Variants in ADGRB3 observed in about 807,000 individuals in gnomAD.
ADGRB3 encodes the protein adhesion G protein-coupled receptor B3.
A neutral mutation model predicts 193.4 loss-of-function variants in ADGRB3; 37 were observed. The ratio of observed to expected loss-of-function variants is 0.19; its 90% CI spans 0.15 to 0.25. The LOEUF (loss-of-function observed/expected upper bound fraction) is 0.25, where lower values mean the gene tolerates loss of function less well. Among genes scored for constraint, ADGRB3 ranks in the 10% least tolerant of loss-of-function variants. ADGRB3 has a pLI of 1.00. For synonymous variants in ADGRB3, 690 were observed against 644.2 expected (o/e 1.07, Z -1.08); for missense variants, 1,637 against 1,852.9 (o/e 0.88, Z 2.14).
intron 3 of ADGRB3, among the ~76,000 whole-genome samples, chr6:68,726,305 G>C (rs1765673466): frequency 6.6e-6 from 1 of 151,632 alleles, no homozygotes; most frequent in South Asian, 2.1e-4. Context: ...TCAATTCAGA[G>C]AGGAAGAAAT....
At chr6:69,034,665 GAC>G (rs1367414311) in intron 13 of ADGRB3, among the ~76,000 whole-genome samples, 1 of 149,174 alleles carries the variant, frequency 6.7e-6, no homozygotes, top group Non-Finnish European at 1.5e-5. Flanking sequence ...CAGAGAGAGA[GAC>G]AGAGAGGAAG....
chr6:68,994,138 A>G (rs1020952254), intron 11 of ADGRB3, among the ~76,000 whole-genome samples, 176 bp downstream of exon 11: 13 of 152,104 alleles, frequency 8.5e-5, no homozygotes, highest in Non-Finnish European at 8.8e-5. Flanking sequence ...CTCCACCTCA[A>G]TGTCCTCGCC....
At chr6:69,233,197 C>T in intron 17 of ADGRB3, 93 bp from the exon 18 acceptor site, 1 of 1,495,234 alleles carries the variant, frequency 6.7e-7, no homozygotes, top group Non-Finnish European at 9.1e-7. Context: ...TTACAGTAGA[C>T]GACTCTCTCA....
intron 20 of ADGRB3, among the ~76,000 whole-genome samples, chr6:69,299,260 GT>G (rs1221448224): frequency 1.3e-5 from 2 of 151,296 alleles, no homozygotes; most frequent in African/African-American, 4.9e-5. Context: ...GTTTTGTTTA[GT>G]TTTTGTTTTT....
intron 17 of ADGRB3, among the ~76,000 whole-genome samples, chr6:69,133,590 C>G (rs1774071346): frequency 6.6e-6 from 1 of 151,990 alleles, no homozygotes; most frequent in Non-Finnish European, 1.5e-5. Flanking sequence ...ACAATAGAAA[C>G]ATAGGGACTC....
intron 20 of ADGRB3, among the ~76,000 whole-genome samples, chr6:69,276,036 A>G (rs1767296473): frequency 2.0e-5 from 3 of 152,228 alleles, no homozygotes; most frequent in Admixed American, 6.5e-5. Flanking sequence ...ATGTTATTAA[A>G]TAATAAACTT....
At chr6:68,933,486 A>G (rs570659577) in intron 4 of ADGRB3, among the ~76,000 whole-genome samples, 1 of 152,214 alleles carries the variant, frequency 6.6e-6, no homozygotes, top group Non-Finnish European at 1.5e-5. Context: ...TCAGCTACTC[A>G]GGAGGCTGAG....
In ADGRB3 at chr6:68,956,765, G is replaced by A. The variant is rs1395406004; in HGVS notation, c.1481G>A (p.Gly494Glu). ...GAVITGQQCEGTGEEVRRCNE... is the reference protein window; with the variant it reads ...GAVITGQQCEETGEEVRRCNE... ...GTGATAACAGGGCAGCAATGTGAAG[G>A]AACGGGCGAAGAAGTGAGAAGATGC... The change falls in exon 8 of 32, where the codon GGA (glycine) becomes GAA (glutamate). Residue 494 changes from glycine to glutamate, a missense_variant. Coordinates refer to ENST00000370598, the MANE Select transcript of ADGRB3 (RefSeq NM_001704.3). 1.9e-6 allele frequency: 3 copies of A among 1,613,942 alleles called. No homozygotes were observed. In the South Asian group the frequency reaches 3.3e-5, roughly 18 times the overall value.
chr6:68,904,412 G>A (rs560172892), intron 3 of ADGRB3, among the ~76,000 whole-genome samples: 2 of 152,228 alleles, frequency 1.3e-5, no homozygotes, highest in African/African-American at 4.8e-5. Flanking sequence ...TCATTATGTT[G>A]CATATGACTG....
intron 17 of ADGRB3, among the ~76,000 whole-genome samples, chr6:69,122,485 GGGAGGGGGA>G: frequency 1.7e-5 from 1 of 59,634 alleles, no homozygotes; most frequent in South Asian, 1.2e-3. Context: ...AGGGGGAGGG[GGGAGGGGGA>G]GGGGGAGAGG....
intron 5 of ADGRB3, among the ~76,000 whole-genome samples, chr6:68,936,964 T>C (rs1038004086): frequency 1.3e-5 from 2 of 152,202 alleles, no homozygotes; most frequent in African/African-American, 4.8e-5. Flanking sequence ...TCTTTCTGTG[T>C]TTTAGATGGT....
intron 17 of ADGRB3, among the ~76,000 whole-genome samples, chr6:69,196,962 T>G (rs1765311450): frequency 6.6e-6 from 1 of 152,114 alleles, no homozygotes; most frequent in African/African-American, 2.4e-5. Context: ...CTCAGAGCCC[T>G]AATATGTCAT....
intron 18 of ADGRB3, among the ~76,000 whole-genome samples, chr6:69,234,523 G>T (rs1766219758): frequency 6.6e-6 from 1 of 152,030 alleles, no homozygotes; most frequent in Admixed American, 6.6e-5. Context: ...GAGAATACTT[G>T]ACTTAGAATA....
intron 10 of ADGRB3, among the ~76,000 whole-genome samples, chr6:68,988,749 C>T (rs889975711): frequency 2.0e-5 from 3 of 152,100 alleles, no homozygotes; most frequent in Non-Finnish European, 4.4e-5. Context: ...ACACCTCTCA[C>T]ACAAGCAGCG....
intron 26 of ADGRB3, among the ~76,000 whole-genome samples, chr6:69,345,153 A>G (rs1345952148): frequency 6.6e-6 from 1 of 152,186 alleles, no homozygotes; most frequent in Non-Finnish European, 1.5e-5. Context: ...CTCGTAAAGA[A>G]AGATAAATAG....
chr6:69,172,780 C>T (rs1451830368), intron 17 of ADGRB3, among the ~76,000 whole-genome samples: 7 of 150,668 alleles, frequency 4.6e-5, no homozygotes, highest in South Asian at 2.2e-4. Context: ...GGGAGGCCTT[C>T]TTGAGAAGCA....
At chr6:69,289,751 G>A (rs530024151) in intron 20 of ADGRB3, among the ~76,000 whole-genome samples, 1 of 151,960 alleles carries the variant, frequency 6.6e-6, no homozygotes, top group East Asian at 1.9e-4. Flanking sequence ...GCCTAAATAG[G>A]CTGAGCCAGG....
intron 30 of ADGRB3, 27 bp from the exon 31 acceptor site, chr6:69,382,804 T>A: frequency 6.8e-7 from 1 of 1,475,858 alleles, no homozygotes; most frequent in Non-Finnish European, 9.3e-7. Context: ...AAGTTGGGGA[T>A]GAGAGCTATC....
chr6:68,872,518 T>A (rs1456942665), intron 3 of ADGRB3, among the ~76,000 whole-genome samples: 1 of 152,146 alleles, frequency 6.6e-6, no homozygotes, highest in Non-Finnish European at 1.5e-5. Context: ...TTTAAAATGT[T>A]TCATCTTTCT....
Sources: gnomAD v4.1 joint callset for allele counts (sites outside exome capture counted in the v4.1 genomes callset) on GRCh38, gnomAD v4.1.1 for gene constraint, MANE v1.5 for transcripts, NCBI Gene and HGNC (gene_info 2026-07-23, HGNC 2026-07-21) for gene names.